Variants in RPL39L observed in about 807,000 individuals in gnomAD.
RPL39L encodes ribosomal protein L39 like, also known as ribosomal protein eL39-like 2.
For missense variants in RPL39L, 48 were observed against 58.9 expected (o/e 0.81, Z 0.61); for synonymous variants, 16 against 20.1 (o/e 0.80, Z 0.55).
chr3:187,137,141 G>C (rs923339038), intron 1 of RPL39L, among the ~76,000 whole-genome samples: 4 of 138,156 alleles, frequency 2.9e-5, no homozygotes, highest in Non-Finnish European at 4.6e-5. Context: ...TGAGGTTGTA[G>C]TGAGTCATGA....
intron 1 of RPL39L, among the ~76,000 whole-genome samples, chr3:187,137,625 C>T (rs977552650): frequency 6.6e-6 from 1 of 152,060 alleles, no homozygotes; most frequent in African/African-American, 2.4e-5. Flanking sequence ...CCAGCCTGGC[C>T]AACCATGGCC....
chr3:187,133,180 G>A (rs914599671), intron 1 of RPL39L, among the ~76,000 whole-genome samples: 2 of 152,156 alleles, frequency 1.3e-5, no homozygotes, highest in Non-Finnish European at 1.5e-5. Flanking sequence ...CTCCTCGGTG[G>A]TGAAGATCTA....
At chr3:187,135,061 G>A (rs1275781625) in intron 1 of RPL39L, among the ~76,000 whole-genome samples, 1 of 152,204 alleles carries the variant, frequency 6.6e-6, no homozygotes, top group East Asian at 1.9e-4. Flanking sequence ...ACTTGCCAAG[G>A]CTTTTTCGCT....
chr3:187,132,604 G>A (rs1720505396), intron 1 of RPL39L, among the ~76,000 whole-genome samples: 1 of 152,140 alleles, frequency 6.6e-6, no homozygotes, highest in African/African-American at 2.4e-5. Flanking sequence ...CCCCCGTATG[G>A]TTTATGGTTT....
Position 187,128,029 on chromosome 3 carries a change from G to T in RPL39L, c.-59C>A, listed in dbSNP as rs1010698207. On this transcript the variant is annotated 5_prime_UTR_variant, in exon 2 of 3. Coordinates refer to ENST00000296277, the MANE Select transcript of RPL39L (RefSeq NM_052969.3). The stretch of plus-strand genomic sequence containing the variant: ...TCAAGTCTGAATTTCCTACTCCAAA[G>T]AGGCAAAGATGCTTGCTTCTCTCCA... 1.3e-5 allele frequency: 2 copies of T among 152,056 alleles called. No homozygotes were observed. The highest frequency in any genetic ancestry group is 1.3e-4 in the Admixed American group (2 of 15,268). The allele number at this position is 152,056 out of a possible 1,614,324, so 9.4% of individuals were successfully genotyped here.
intron 2 of RPL39L, among the ~76,000 whole-genome samples, chr3:187,121,612 CTT>C (rs1720310998): frequency 6.6e-6 from 1 of 152,090 alleles, no homozygotes; most frequent in Non-Finnish European, 1.5e-5. Flanking sequence ...TTCTGCTTCT[CTT>C]GTTAAATGTC....
At chr3:187,133,070 G>A (rs1030043121) in intron 1 of RPL39L, among the ~76,000 whole-genome samples, 1 of 152,210 alleles carries the variant, frequency 6.6e-6, no homozygotes, top group Non-Finnish European at 1.5e-5. Context: ...GGGAGCCTCA[G>A]ACATAAAGAC....
rs575532042 is a variant in RPL39L at position 187,137,177 on chromosome 3, C to G, written c.-93+2036G>C. Among the ~76,000 whole-genome samples the G allele has an allele frequency of 3.8e-4, 37 of 96,462 alleles. No homozygotes were observed. In the South Asian group the frequency reaches 0.012, roughly 32 times the overall value. The allele number at this position is 96,462 out of a possible 152,430, so 63.3% of individuals were successfully genotyped here. On this transcript the variant is annotated intron_variant, in intron 1 of 2. Coordinates refer to ENST00000296277, the MANE Select transcript of RPL39L (RefSeq NM_052969.3). ...TTGAGTCAATGCACTCCAGCTTGGG[C>G]AACAGAACAACACTCTTCCTCAAAA...
chr3:187,131,145 A>C (rs187014609), intron 1 of RPL39L, among the ~76,000 whole-genome samples: 13 of 152,308 alleles, frequency 8.5e-5, no homozygotes, highest in African/African-American at 2.6e-4. Context: ...GAAATATTTT[A>C]TCTCTTCTGT....
At chr3:187,126,402 G>A (rs536621655) in intron 2 of RPL39L, among the ~76,000 whole-genome samples, 11 of 152,104 alleles carry the variant, frequency 7.2e-5, no homozygotes, top group Non-Finnish European at 1.0e-4. Context: ...GACCTCAGGC[G>A]ATCTGCCCGC....
intron 2 of RPL39L, among the ~76,000 whole-genome samples, chr3:187,126,287 G>A (rs1326747201): frequency 6.0e-5 from 9 of 151,224 alleles, no homozygotes; most frequent in Non-Finnish European, 1.2e-4. Context: ...TCAGCCTCCC[G>A]AGTATCTGGG....
intron 2 of RPL39L, among the ~76,000 whole-genome samples, chr3:187,126,729 C>A (rs1318125132): frequency 1.3e-5 from 2 of 152,132 alleles, no homozygotes; most frequent in Non-Finnish European, 2.9e-5. Flanking sequence ...CCTGAAGCCA[C>A]TTTTTCATGG....
intron 2 of RPL39L, among the ~76,000 whole-genome samples, chr3:187,127,276 A>G (rs1720412379): frequency 6.7e-6 from 1 of 148,812 alleles, no homozygotes; most frequent in Non-Finnish European, 1.5e-5. Context: ...TTTTTATCAT[A>G]TAAATATACA....
In RPL39L at chr3:187,121,107, T is replaced by TA. The variant is rs757257670; in HGVS notation, c.*37dup. On this transcript the variant is annotated 3_prime_UTR_variant, in exon 3 of 3. Coordinates refer to ENST00000296277, the MANE Select transcript of RPL39L (RefSeq NM_052969.3). Reference sequence around the variant, plus strand: ...TATCGTAAGATGATCGTGAACTTGATACAGCATAAATATGTGTGCCATCTC... The same window carrying TA: ...TATCGTAAGATGATCGTGAACTTGATAACAGCATAAATATGTGTGCCATCTC... 2 of 1,608,116 alleles carry TA rather than the reference T, an allele frequency of 1.2e-6. No homozygotes were observed. The highest frequency in any genetic ancestry group is 4.5e-5 in the East Asian group (2 of 44,852).
At chr3:187,122,954 G>A (rs1720337422) in intron 2 of RPL39L, among the ~76,000 whole-genome samples, 1 of 152,034 alleles carries the variant, frequency 6.6e-6, no homozygotes, top group African/African-American at 2.4e-5. Flanking sequence ...AAGAGAAAAA[G>A]GAAGTTCTCA....
intron 1 of RPL39L, among the ~76,000 whole-genome samples, chr3:187,135,403 G>T (rs543508863): frequency 1.3e-5 from 2 of 152,194 alleles, no homozygotes; most frequent in Non-Finnish European, 2.9e-5. Flanking sequence ...TGCTGTTCTT[G>T]TGATAGTGAA....
intron 1 of RPL39L, among the ~76,000 whole-genome samples, chr3:187,138,110 G>A (rs577503907): frequency 6.6e-6 from 1 of 152,156 alleles, no homozygotes; most frequent in South Asian, 2.1e-4. Context: ...TGATGTCCTA[G>A]TGACTAAAGA....
chr3:187,126,195 C>CT (rs1266673401), intron 2 of RPL39L, among the ~76,000 whole-genome samples: 3 of 148,506 alleles, frequency 2.0e-5, no homozygotes, highest in African/African-American at 7.5e-5. Flanking sequence ...GAGTTTCACT[C>CT]TTTTTGCCCA....
At position 187,121,031 on chromosome 3, in the gene RPL39L, C is replaced by T. The variant is rs114528630; in HGVS notation, c.*114G>A. ...ATACAGAAAAACAGAAAAAAATATT[C>T]CCAGTAAAACATGTGCAACTGTCCA... On this transcript the variant is annotated 3_prime_UTR_variant, in exon 3 of 3. Coordinates refer to ENST00000296277, the MANE Select transcript of RPL39L (RefSeq NM_052969.3). The T allele has an allele frequency of 7.8e-4, 912 of 1,169,224 alleles. 4 individuals are homozygous for T. In the African/African-American group the frequency reaches 0.012, roughly 15 times the overall value. The allele number at this position is 1,169,224 out of a possible 1,614,324, so 72.4% of individuals were successfully genotyped here.
Sources: gnomAD v4.1 joint callset for allele counts (sites outside exome capture counted in the v4.1 genomes callset) on GRCh38, gnomAD v4.1.1 for gene constraint, MANE v1.5 for transcripts, NCBI Gene and HGNC (gene_info 2026-07-23, HGNC 2026-07-21) for gene names.